The following PPP3CB variants were observed in gnomAD, a reference collection of about 807,000 sequenced individuals.
PPP3CB encodes protein phosphatase 3 catalytic subunit beta.
Under a neutral mutation model 66.4 loss-of-function variants are expected in PPP3CB, and 8 were observed. That is an observed-to-expected ratio of 0.12 (90% CI 0.07 to 0.22). PPP3CB has a LOEUF of 0.22. Ranked by LOEUF, PPP3CB falls within the 10% of genes least tolerant of loss-of-function variation. The probability of loss-of-function intolerance (pLI) is 1.00; values close to 1 mark genes in which losing one functional copy is unlikely to be tolerated. For synonymous variants in PPP3CB, 208 were observed against 221.2 expected (o/e 0.94, Z 0.53); for missense variants, 319 against 642.5 (o/e 0.50, Z 5.44).
intron 9 of PPP3CB, among the ~76,000 whole-genome samples, chr10:73,460,353 TA>T (rs2056502141): frequency 6.8e-6 from 1 of 146,306 alleles, no homozygotes; most frequent in South Asian, 2.1e-4. Context: ...AAAGATCAGA[TA>T]GATTTGAATA....
At position 73,446,620 on chromosome 10, in the gene PPP3CB, T is replaced by C. The variant is rs3729975; in HGVS notation, c.1187-47A>G. On this transcript the variant is annotated intron_variant, in intron 10 of 13. Transcript: ENST00000360663. Reference sequence around the variant, plus strand: ...GAGAGAAAGGCTCAAGTTTAGGGCATGCATGCTTACAATATTCTATTAGCC... The same window carrying C: ...GAGAGAAAGGCTCAAGTTTAGGGCACGCATGCTTACAATATTCTATTAGCC... The C allele has an allele frequency of 0.01, 15,706 of 1,531,904 alleles. 646 individuals are homozygous for C. The African/African-American group carries it at 0.13, about 12-fold the overall frequency. The allele number at this position is 1,531,904 out of a possible 1,614,324, so 94.9% of individuals were successfully genotyped here.
intron 9 of PPP3CB, among the ~76,000 whole-genome samples, chr10:73,457,517 C>T (rs1564554214): frequency 6.6e-6 from 1 of 151,846 alleles, no homozygotes; most frequent in Admixed American, 6.6e-5. Flanking sequence ...GCAGGTGGAT[C>T]ACTTGAGACC....
At chr10:73,460,265 C>CAAAAAAAAAAAAAAAAAAAAAAG (rs2056500272) in intron 9 of PPP3CB, among the ~76,000 whole-genome samples, 1 of 35,818 alleles carries the variant, frequency 2.8e-5, no homozygotes, top group Non-Finnish European at 5.9e-5. Flanking sequence ...AAAGTAATAG[C>CAAAAAAAAAAAAAAAAAAAAAAG]AAAAAAAAAA....
At chr10:73,489,359 T>C (rs2057035742) in intron 1 of PPP3CB, among the ~76,000 whole-genome samples, 1 of 151,902 alleles carries the variant, frequency 6.6e-6, no homozygotes, top group South Asian at 2.1e-4. Flanking sequence ...TGGCCAGAAT[T>C]AGCCATCAAA....
intron 3 of PPP3CB, among the ~76,000 whole-genome samples, chr10:73,477,766 A>G (rs1036510123): frequency 9.2e-5 from 14 of 152,100 alleles, no homozygotes; most frequent in African/African-American, 3.4e-4. Context: ...AAAATTAAAA[A>G]TTAGTCTAGG....
intron 12 of PPP3CB, among the ~76,000 whole-genome samples, chr10:73,442,803 C>T (rs974377278): frequency 6.6e-6 from 1 of 150,748 alleles, no homozygotes; most frequent in Non-Finnish European, 1.5e-5. Context: ...TTCAGATATA[C>T]CAGTGGTGGT....
intron 8 of PPP3CB, among the ~76,000 whole-genome samples, chr10:73,469,458 C>G (rs2056669703): frequency 6.6e-6 from 1 of 152,150 alleles, no homozygotes; most frequent in Non-Finnish European, 1.5e-5. Flanking sequence ...AAGAGAATTG[C>G]TTGAACCCAG....
intron 4 of PPP3CB, 23 bp from the exon 5 acceptor site, chr10:73,471,636 G>T: frequency 6.5e-7 from 1 of 1,540,540 alleles, no homozygotes; most frequent in Non-Finnish European, 8.8e-7. Flanking sequence ...AAAACTAATT[G>T]AAAATTACAT....
chr10:73,476,184 T>C (rs527966777), intron 3 of PPP3CB, among the ~76,000 whole-genome samples: 29 of 152,284 alleles, frequency 1.9e-4, no homozygotes, highest in Non-Finnish European at 4.1e-4. Flanking sequence ...TAAATTAAGG[T>C]ATATCTAAAC....
chr10:73,456,942 GAA>G (rs1396233185), intron 9 of PPP3CB, among the ~76,000 whole-genome samples: 1 of 152,098 alleles, frequency 6.6e-6, no homozygotes, highest in African/African-American at 2.4e-5. Context: ...TATAGAGACA[GAA>G]AGATTAGTCT....
At chr10:73,451,906 C>T (rs185962723) in intron 10 of PPP3CB, among the ~76,000 whole-genome samples, 16 of 151,930 alleles carry the variant, frequency 1.1e-4, no homozygotes, top group East Asian at 1.9e-4. Flanking sequence ...CCACAACGAC[C>T]GGCTAATTTT....
chr10:73,465,411 T>A (rs2056603573), intron 9 of PPP3CB, among the ~76,000 whole-genome samples: 1 of 152,158 alleles, frequency 6.6e-6, no homozygotes, highest in Non-Finnish European at 1.5e-5. Flanking sequence ...GAAAAGGGGT[T>A]CTTGGCTAGG....
intron 12 of PPP3CB, chr10:73,444,477 A>T (rs1214048134): frequency 8.8e-7 from 1 of 1,131,038 alleles, no homozygotes; most frequent in Admixed American, 2.6e-5. Flanking sequence ...CTGCTCCCAT[A>T]TCATTTCATG....
intron 9 of PPP3CB, among the ~76,000 whole-genome samples, chr10:73,462,770 C>T (rs1417444094): frequency 2.6e-5 from 4 of 151,434 alleles, no homozygotes; most frequent in African/African-American, 9.7e-5. Context: ...GCCAACATGG[C>T]GAAACCCTGT....
Position 73,437,358 on chromosome 10 carries a change from C to T in PPP3CB, c.*884G>A, listed in dbSNP as rs191765226. 2.5e-4 allele frequency: 38 copies of T among 152,680 alleles called. No homozygotes were observed. Among genetic ancestry groups the T allele is most frequent in the African/African-American group, 8.2e-4 (34 of 41,560 alleles). The allele number at this position is 152,680 out of a possible 1,614,324, so 9.5% of individuals were successfully genotyped here. A position where few individuals can be genotyped will look rare whatever the true frequency, so the allele number is the denominator to read the frequency against. ...TAACATCTAGGTAACCTATACATGT[C>T]GTACCTGTACATCATAGGTCTATAT... On this transcript the variant is annotated 3_prime_UTR_variant, in exon 14 of 14. Transcript: ENST00000360663.
chr10:73,464,024 G>C (rs940222991), intron 9 of PPP3CB, among the ~76,000 whole-genome samples: 1 of 152,018 alleles, frequency 6.6e-6, no homozygotes. Flanking sequence ...TCCACCTCCT[G>C]GGTTCAAGCA....
intron 9 of PPP3CB, 69 bp from the exon 10 acceptor site, chr10:73,454,558 A>C (rs1326422288): frequency 1.0e-6 from 1 of 960,802 alleles, no homozygotes; most frequent in Non-Finnish European, 1.6e-6. Context: ...CATAGCAACT[A>C]TTTTTACAAA....
intron 9 of PPP3CB, 50 bp downstream of exon 9, chr10:73,467,503 G>C (rs1414384343): frequency 7.4e-7 from 1 of 1,359,882 alleles, no homozygotes; most frequent in Non-Finnish European, 9.7e-7. Flanking sequence ...GTAAACTGGA[G>C]TAAATGTAAC....
rs546641133 is a variant in PPP3CB at position 73,479,043 on chromosome 10, G to A, written c.286+274C>T. Among the ~76,000 whole-genome samples the A allele has an allele frequency of 7.6e-4, 115 of 152,282 alleles. 1 individual carries two copies. Among genetic ancestry groups the A allele is most frequent in the African/African-American group, 2.3e-3 (96 of 41,560 alleles). Reference sequence around the variant, plus strand: ...TTTGACCCTAACAATTGAAAGCAAAGTAAGTATTGATCAAATTGAAGTATG... The same window carrying A: ...TTTGACCCTAACAATTGAAAGCAAAATAAGTATTGATCAAATTGAAGTATG... On this transcript the variant is annotated intron_variant, in intron 2 of 13. Coordinates refer to ENST00000360663, the MANE Select transcript of PPP3CB (RefSeq NM_021132.4).
Sources: allele counts gnomAD v4.1 joint callset (sites outside exome capture counted in the v4.1 genomes callset), GRCh38; gene constraint gnomAD v4.1.1; transcripts MANE v1.5; gene names NCBI Gene and HGNC (gene_info 2026-07-23, HGNC 2026-07-21).